The following PPP2R5C variants were observed in gnomAD, a reference collection of about 807,000 sequenced individuals.
The protein encoded by PPP2R5C is protein phosphatase 2 regulatory subunit B'gamma.
Under a neutral mutation model 68.9 loss-of-function variants are expected in PPP2R5C, and 7 were observed. The ratio of observed to expected loss-of-function variants is 0.10; its 90% CI spans 0.06 to 0.19. The LOEUF (loss-of-function observed/expected upper bound fraction) is 0.19, where lower values mean the gene tolerates loss of function less well. Among genes scored for constraint, PPP2R5C ranks in the 10% least tolerant of loss-of-function variants. The pLI is 1.00. For missense variants in PPP2R5C, 348 were observed against 641.3 expected (o/e 0.54, Z 4.94); for synonymous variants, 210 against 222.2 (o/e 0.95, Z 0.49).
At position 101,899,342 on chromosome 14, in the gene PPP2R5C, C is replaced by T. The variant is rs1447105924; in HGVS notation, c.853-2377C>T. On this transcript the variant is annotated intron_variant, in intron 8 of 13. Coordinates refer to ENST00000334743, the Ensembl canonical transcript of PPP2R5C. The surrounding 1 kb of genome is among the most constrained non-coding windows in gnomAD (Gnocchi z 4.2). The stretch of plus-strand genomic sequence containing the variant: ...CAAGACTCAAGGCTGGGGCCACTGG[C>T]TCGCCTGCCCTCTGCAGGGAGCGGG... Among the ~76,000 whole-genome samples, 2 of 152,230 alleles carry T rather than the reference C, an allele frequency of 1.3e-5. No homozygotes were observed. Among genetic ancestry groups the T allele is most frequent in the Non-Finnish European group, 2.9e-5 (2 of 68,036 alleles).
intron 1 of PPP2R5C, among the ~76,000 whole-genome samples, chr14:101,816,906 AT>A (rs1407577082): frequency 5.6e-5 from 7 of 124,076 alleles, no homozygotes; most frequent in Admixed American, 3.4e-4. Flanking sequence ...ATAAATATAT[AT>A]ATAATATATA....
chr14:101,817,662 G>A (rs1303506820), intron 1 of PPP2R5C, among the ~76,000 whole-genome samples: 1 of 152,158 alleles, frequency 6.6e-6, no homozygotes, highest in Non-Finnish European at 1.5e-5. Context: ...AGGACCTGGA[G>A]CCACACGCCA....
At chr14:101,905,572 G>A (rs1282117349) in intron 9 of PPP2R5C, among the ~76,000 whole-genome samples, 1 of 151,730 alleles carries the variant, frequency 6.6e-6, no homozygotes, top group South Asian at 2.1e-4. Context: ...CAGGAGAATC[G>A]CTTGAACCCG....
Position 101,906,677 on chromosome 14 carries a change from C to T in PPP2R5C, c.1151+148C>T. 9.2e-7 allele frequency: 1 copy of T among 1,081,322 alleles called. No individual in the cohort carries two copies. The highest frequency in any genetic ancestry group is 1.3e-6 in the Non-Finnish European group (1 of 772,698). 67.0% of individuals were successfully genotyped at this position (1,081,322 alleles called of 1,614,324 possible). Reference sequence around the variant, plus strand: ...CTTTGTGGACTCATAAATTAAGTAGCAGCGTGGGTTGTTTCTGTGGCCGTT... The same window carrying T: ...CTTTGTGGACTCATAAATTAAGTAGTAGCGTGGGTTGTTTCTGTGGCCGTT... On this transcript the variant is annotated intron_variant, in intron 10 of 13. Transcript: ENST00000334743. This position sits in a 1 kb window ranked among gnomAD's most constrained non-coding sequence, Gnocchi z 4.0.
chr14:101,790,955 T>C (rs965615078), intron 3 of PPP2R5C, among the ~76,000 whole-genome samples: 3 of 152,068 alleles, frequency 2.0e-5, no homozygotes, highest in African/African-American at 4.8e-5. Context: ...TGGCACTCGC[T>C]TGTAGCCCCA....
chr14:101,863,094 G>A, intron 2 of PPP2R5C, among the ~76,000 whole-genome samples: 1 of 152,090 alleles, frequency 6.6e-6, no homozygotes. Context: ...GATCACCTGA[G>A]GTCAGGAGTT....
chr14:101,824,075 G>A (rs1426801599), intron 1 of PPP2R5C: 2 of 1,289,016 alleles, frequency 1.6e-6, no homozygotes, highest in African/African-American at 1.5e-5. Flanking sequence ...ACAGACTCCA[G>A]GACTGACTTT....
intron 2 of PPP2R5C, among the ~76,000 whole-genome samples, chr14:101,863,101 A>G (rs2042853621): frequency 6.6e-6 from 1 of 152,122 alleles, no homozygotes; most frequent in South Asian, 2.1e-4. Context: ...TGAGGTCAGG[A>G]GTTCAAGACC....
intron 2 of PPP2R5C, among the ~76,000 whole-genome samples, chr14:101,774,532 G>A (rs956139719): frequency 3.3e-5 from 5 of 152,196 alleles, no homozygotes; most frequent in Admixed American, 3.3e-4. Flanking sequence ...GCCTCGGGGG[G>A]ATTCTGTAGG....
chr14:101,868,577 C>A (rs2043216985), intron 2 of PPP2R5C, among the ~76,000 whole-genome samples: 1 of 152,040 alleles, frequency 6.6e-6, no homozygotes, highest in African/African-American at 2.4e-5. Context: ...TGTTAAATAT[C>A]AAATTTTACA....
At chr14:101,840,482 C>CAAAA (rs10611025) in intron 1 of PPP2R5C, among the ~76,000 whole-genome samples, 4 of 51,872 alleles carry the variant, frequency 7.7e-5, no homozygotes, top group Non-Finnish European at 1.0e-4. Flanking sequence ...CCCCCACCAC[C>CAAAA]AAAAAAAAAA....
chr14:101,809,552 CTTTTTTTTTTTTT>C (rs5811049), upstream of PPP2R5C, among the ~76,000 whole-genome samples: 2 of 92,896 alleles, frequency 2.2e-5, no homozygotes, highest in South Asian at 3.5e-4. Context: ...TATACACACA[CTTTTTTTTTTTTT>C]TTTTTTTTTT....
intron 1 of PPP2R5C, among the ~76,000 whole-genome samples, chr14:101,827,831 A>G (rs1424132569): frequency 6.6e-6 from 1 of 152,208 alleles, no homozygotes; most frequent in Non-Finnish European, 1.5e-5. Context: ...TGAGTTTTCC[A>G]TTAAGCTAAA....
At chr14:101,801,607 A>G (rs533940241) in intron 3 of PPP2R5C, among the ~76,000 whole-genome samples, 51 of 152,244 alleles carry the variant, frequency 3.3e-4, no homozygotes, top group Non-Finnish European at 5.0e-4. Context: ...AAAAAGAGTA[A>G]GATAGTTAGA....
intron 5 of PPP2R5C, among the ~76,000 whole-genome samples, chr14:101,884,228 C>T (rs2044341470): frequency 6.6e-6 from 1 of 152,232 alleles, no homozygotes; most frequent in African/African-American, 2.4e-5. Flanking sequence ...TTCCACGTTC[C>T]TCTGCCTGCT....
At position 101,770,687 on chromosome 14, in the gene PPP2R5C, A is replaced by G. The variant is rs543959545; in HGVS notation, c.93+7717A>G. Among the ~76,000 whole-genome samples the G allele has an allele frequency of 1.6e-4, 25 of 152,356 alleles. No individual in the cohort carries two copies. In the East Asian group the frequency reaches 4.4e-3, roughly 27 times the overall value. On this transcript the variant is annotated intron_variant, in intron 2 of 14. Transcript: ENST00000328724. ...CGCTACGGTATATGCAATTCTAGAA[A>G]GAGCTCATCAAGCAAATGATATGAA...
exon 14 of PPP2R5C, chr14:101,927,928 T>A (rs1203258127): frequency 6.6e-6 from 1 of 152,220 alleles, no homozygotes; most frequent in Non-Finnish European, 1.5e-5. Flanking sequence ...TTTCAAAAAC[T>A]CTAAAAAACG....
chr14:101,854,838 A>G (rs1389786030), intron 1 of PPP2R5C, among the ~76,000 whole-genome samples: 3 of 152,222 alleles, frequency 2.0e-5, no homozygotes, highest in Non-Finnish European at 1.5e-5. Context: ...TATAATAAAC[A>G]TATTACATTT....
At chr14:101,849,860 A>G (rs1678007) in intron 1 of PPP2R5C, among the ~76,000 whole-genome samples, 35,336 of 152,130 alleles carry the variant, frequency 0.23, 4,209 homozygotes, top group African/African-American at 0.27. Flanking sequence ...GTGTGACAGC[A>G]CAGAGCCTGG....
Sources: allele counts gnomAD v4.1 joint callset (sites outside exome capture counted in the v4.1 genomes callset), GRCh38; gene constraint gnomAD v4.1.1; non-coding constraint Gnocchi (gnomAD v3.1); transcripts MANE v1.5; gene names NCBI Gene and HGNC (gene_info 2026-07-23, HGNC 2026-07-21).